ARID1B: variants seen among roughly 807,000 people sequenced by gnomAD.
ARID1B encodes the protein AT-rich interaction domain 1B, also known as AT-rich interactive domain-containing protein 1B.
In ARID1B, 30 loss-of-function variants were observed where a neutral mutation model predicts 212.3. The ratio of observed to expected loss-of-function variants is 0.14; its 90% CI spans 0.11 to 0.19. The LOEUF (loss-of-function observed/expected upper bound fraction) is 0.19. ARID1B is among the 10% of genes least tolerant of loss of function. ARID1B has a pLI of 1.00. For missense variants in ARID1B, 2,891 were observed against 3,204.0 expected (o/e 0.90, Z 2.36); for synonymous variants, 1,402 against 1,301.7 (o/e 1.08, Z -1.66).
intron 4 of ARID1B, among the ~76,000 whole-genome samples, chr6:157,051,166 C>T (rs1014908996): frequency 1.3e-5 from 2 of 152,018 alleles, no homozygotes; most frequent in Non-Finnish European, 2.9e-5. Context: ...AAAAGATGAG[C>T]GGGGGACGCA....
chr6:157,131,187 T>C (rs1788521543), intron 6 of ARID1B, among the ~76,000 whole-genome samples: 1 of 152,226 alleles, frequency 6.6e-6, no homozygotes, highest in Admixed American at 6.5e-5. Flanking sequence ...ATTCATTTTT[T>C]TAAAAAGCAA....
intron 4 of ARID1B, among the ~76,000 whole-genome samples, chr6:157,063,632 A>G (rs970956511): frequency 2.0e-5 from 3 of 152,240 alleles, no homozygotes; most frequent in African/African-American, 7.2e-5. Flanking sequence ...AAATGTGTGT[A>G]AAATATAAAA....
chr6:157,137,894 G>C (rs930959132), intron 7 of ARID1B, among the ~76,000 whole-genome samples: 4 of 152,030 alleles, frequency 2.6e-5, no homozygotes, highest in African/African-American at 9.7e-5. Context: ...TTTCAGAAGG[G>C]TTTAAAGATT....
chr6:157,036,409 C>T (rs1327943616), intron 4 of ARID1B: 1 of 169,546 alleles, frequency 5.9e-6, no homozygotes, highest in Non-Finnish European at 1.3e-5. Flanking sequence ...CTGAGCAGGA[C>T]AAGAATCTAC....
At chr6:157,192,364 TC>T (rs1354149964) in intron 15 of ARID1B, among the ~76,000 whole-genome samples, 2 of 152,158 alleles carry the variant, frequency 1.3e-5, no homozygotes, top group Non-Finnish European at 2.9e-5. Context: ...CCTCGTGTCC[TC>T]ATGCCTAGAA....
intron 4 of ARID1B, among the ~76,000 whole-genome samples, chr6:157,021,844 C>A (rs1285128294): frequency 6.6e-6 from 1 of 152,146 alleles, no homozygotes; most frequent in Non-Finnish European, 1.5e-5. Context: ...GCCAGACTCA[C>A]GCAGGCACCG....
At chr6:157,074,313 G>C (rs1013977214) in intron 4 of ARID1B, among the ~76,000 whole-genome samples, 7 of 152,120 alleles carry the variant, frequency 4.6e-5, no homozygotes. Flanking sequence ...TGCAACCTCA[G>C]CCTCCGGGGT....
At chr6:156,898,218 A>G (rs1274590344) in intron 2 of ARID1B, among the ~76,000 whole-genome samples, 5 of 152,280 alleles carry the variant, frequency 3.3e-5, no homozygotes, top group African/African-American at 4.8e-5. Flanking sequence ...GTCTGGTTAT[A>G]TGAGTTATCC....
chr6:156,793,624 A>G (rs1780160995), intron 1 of ARID1B, among the ~76,000 whole-genome samples: 1 of 152,138 alleles, frequency 6.6e-6, no homozygotes, highest in Non-Finnish European at 1.5e-5. Context: ...GTGTTGAACC[A>G]CTGGGCCCGG....
In ARID1B at chr6:156,876,891, G is replaced by T. The variant is rs12663478; in HGVS notation, c.1987-24485G>T. Among the ~76,000 whole-genome samples the T allele has an allele frequency of 0.01, 1,565 of 152,064 alleles. 90 individuals carry two copies. The East Asian group carries it at 0.15, about 14-fold the overall frequency. On this transcript the variant is annotated intron_variant, in intron 2 of 19. Transcript: ENST00000636930. ...TTGGAATTAAATATTAATTTTTTTT[G>T]TTGTTGTTGTTTGTTTGTTTTTGAG...
At chr6:156,886,139 C>A (rs1284651068) in intron 2 of ARID1B, among the ~76,000 whole-genome samples, 1 of 152,212 alleles carries the variant, frequency 6.6e-6, no homozygotes, top group Admixed American at 6.5e-5. Context: ...AAGGGACATT[C>A]TACCCATACT....
In ARID1B at chr6:156,778,678, C is replaced by G. The variant is rs1318358361; in HGVS notation, c.998C>G (p.Pro333Arg). 40 of 1,512,142 alleles carry G rather than the reference C, an allele frequency of 2.6e-5. No individual in the cohort carries two copies. The highest frequency in any genetic ancestry group is 3.4e-5 in the Non-Finnish European group (38 of 1,129,996). The allele number at this position is 1,512,142 out of a possible 1,614,324, so 93.7% of individuals were successfully genotyped here. ...GGCGGCCCCGGCGGCCGCGCTGGGC[C>G]TTGCTTTGATCAACATGGCGGACAA... is the stretch of plus-strand genomic sequence containing the variant. ...ASGGPGGRAGPCFDQHGGQQS... is the reference protein window; with the variant it reads ...ASGGPGGRAGRCFDQHGGQQS... The change falls in exon 1 of 20, where the codon CCT (proline) becomes CGT (arginine). Residue 333 changes from proline to arginine, a missense_variant. Physicochemically the swap from Pro to Arg is moderately radical, Grantham distance 103 (BLOSUM62 -2). Around this residue, in one of 7 missense-constraint regions of ARID1B, gnomAD observed 1,643 missense variants for 1,544.0 expected, o/e 1.06. Coordinates refer to ENST00000636930, the MANE Select transcript of ARID1B (RefSeq NM_001374828.1).
chr6:157,067,563 GTA>G (rs1562591415), intron 4 of ARID1B, among the ~76,000 whole-genome samples: 1 of 152,136 alleles, frequency 6.6e-6, no homozygotes, highest in African/African-American at 2.4e-5. Context: ...AAATGTGCAT[GTA>G]TAGAGAGTTT....
rs1173810769 is a variant in ARID1B, at chr6:156,777,393, C to G, written c.-288C>G. On this transcript the variant is annotated 5_prime_UTR_variant, in exon 1 of 20. Coordinates refer to ENST00000636930, the MANE Select transcript of ARID1B (RefSeq NM_001374828.1). ...GCTGCCTCTCAAGCCATGCTGGGCCCGATAGGCTCAGCTAGTCGTGTATTT... is the reference window on the plus strand; with the variant it reads ...GCTGCCTCTCAAGCCATGCTGGGCCGGATAGGCTCAGCTAGTCGTGTATTT... The G allele has an allele frequency of 4.6e-5, 7 of 151,094 alleles. No homozygotes were observed. The allele number at this position is 151,094 out of a possible 1,614,324, so 9.4% of individuals were successfully genotyped here.
At chr6:156,819,599 A>C (rs1782213502) in intron 1 of ARID1B, among the ~76,000 whole-genome samples, 1 of 152,248 alleles carries the variant, frequency 6.6e-6, no homozygotes, top group South Asian at 2.1e-4. Context: ...GAACCAAAAT[A>C]GTCTTCCTTT....
intron 6 of ARID1B, among the ~76,000 whole-genome samples, chr6:157,131,023 C>G (rs1473938889): frequency 6.6e-6 from 1 of 152,190 alleles, no homozygotes; most frequent in African/African-American, 2.4e-5. Flanking sequence ...TCTATGAACT[C>G]GCTTCCATTT....
chr6:157,027,490 A>C (rs1463093713), intron 4 of ARID1B, among the ~76,000 whole-genome samples: 1 of 152,220 alleles, frequency 6.6e-6, no homozygotes, highest in Non-Finnish European at 1.5e-5. Flanking sequence ...GTCATCTGTT[A>C]GTTTTTTGAC....
chr6:157,061,828 A>G (rs1305041395), intron 4 of ARID1B, among the ~76,000 whole-genome samples: 1 of 152,204 alleles, frequency 6.6e-6, no homozygotes, highest in Non-Finnish European at 1.5e-5. Flanking sequence ...CACAGCATAA[A>G]AAAGCCTGTT....
chr6:157,124,681 G>A (rs1173123618), intron 6 of ARID1B, among the ~76,000 whole-genome samples: 1 of 152,014 alleles, frequency 6.6e-6, no homozygotes, highest in Admixed American at 6.6e-5. Flanking sequence ...GGTCAACATT[G>A]TTCTGGAAAA....
Sources: allele counts gnomAD v4.1 joint callset (sites outside exome capture counted in the v4.1 genomes callset), GRCh38; gene constraint gnomAD v4.1.1; regional missense constraint gnomAD v4.1.1; transcripts MANE v1.5; gene names NCBI Gene and HGNC (gene_info 2026-07-23, HGNC 2026-07-21).